Variants in NF1 observed in about 807,000 individuals in gnomAD.
NF1 encodes neurofibromin.
NF1 carries 122 observed loss-of-function variants against 325.7 expected under a neutral mutation model. The ratio of observed to expected loss-of-function variants is 0.37; its 90% CI spans 0.32 to 0.44. The LOEUF (loss-of-function observed/expected upper bound fraction) is 0.44. Ranked by LOEUF, NF1 falls within the 20% of genes least tolerant of loss-of-function variation. The pLI is 1.00. For missense variants in NF1, 2,140 were observed against 3,415.4 expected, an observed-to-expected ratio of 0.63 and a Z score of 9.31; for synonymous variants, 1,091 against 1,186.0, an observed-to-expected ratio of 0.92 and a Z score of 1.65.
intron 35 of NF1, among the ~76,000 whole-genome samples, chr17:31,263,120 T>TAGATAGATAGATAAGATAAGATAAGATA (rs149743607): frequency 5.2e-5 from 5 of 95,632 alleles, no homozygotes; most frequent in African/African-American, 1.4e-4. Flanking sequence ...GATAGATAGA[T>TAGATAGATAGATAAGATAAGATAAGATA]AGATAAGATA....
intron 5 of NF1, among the ~76,000 whole-genome samples, chr17:31,170,796 T>C (rs765855910): frequency 2.6e-5 from 4 of 152,190 alleles, no homozygotes; most frequent in Non-Finnish European, 5.9e-5. Context: ...CAGATATCAA[T>C]GAATATTCAT....
chr17:31,305,461 T>A (rs767214948), intron 36 of NF1: 1 of 1,614,198 alleles, frequency 6.2e-7, no homozygotes, highest in African/African-American at 1.3e-5. Flanking sequence ...CCCTGTTGTG[T>A]TTTGAGAATT....
chr17:31,317,791 G>C (rs2069063660), intron 36 of NF1: 1 of 152,532 alleles, frequency 6.6e-6, no homozygotes, highest in Non-Finnish European at 1.5e-5. Flanking sequence ...AAAATTAGCT[G>C]TGTTGGTTGA....
intron 8 of NF1, among the ~76,000 whole-genome samples, chr17:31,188,823 C>T (rs949965307): frequency 2.0e-5 from 3 of 152,178 alleles, no homozygotes; most frequent in Non-Finnish European, 4.4e-5. Flanking sequence ...TCCTCCTGTG[C>T]TGGTTGCTTC....
intron 1 of NF1, among the ~76,000 whole-genome samples, chr17:31,101,625 T>C (rs1385456701): frequency 2.0e-5 from 3 of 152,174 alleles, no homozygotes; most frequent in Non-Finnish European, 4.4e-5. Context: ...TCTTGGCCTT[T>C]ATTTCTGCCA....
At chr17:31,159,973 G>T (rs2065734043) in intron 3 of NF1, among the ~76,000 whole-genome samples, 1 of 152,056 alleles carries the variant, frequency 6.6e-6, no homozygotes, top group Admixed American at 6.5e-5. Flanking sequence ...CTGATAGTGT[G>T]GTTGAGAAGT....
chr17:31,328,985 A>G (rs189007072), intron 38 of NF1, among the ~76,000 whole-genome samples: 32 of 152,270 alleles, frequency 2.1e-4, no homozygotes, highest in Admixed American at 1.6e-3. Flanking sequence ...TCAAAATTGT[A>G]TAACTTAGAA....
intron 36 of NF1, chr17:31,321,811 G>C (rs1179746391): frequency 2.6e-5 from 4 of 152,080 alleles, no homozygotes; most frequent in Admixed American, 6.5e-5. Flanking sequence ...GAGCAGGGAG[G>C]GTTTTCCACT....
At chr17:31,294,040 C>T (rs1308403319) in intron 36 of NF1, among the ~76,000 whole-genome samples, 2 of 152,128 alleles carry the variant, frequency 1.3e-5, no homozygotes, top group African/African-American at 4.8e-5. Context: ...GCCCTTTTCC[C>T]TTTCCCTCTC....
At chr17:31,167,428 A>C (rs1363857918) in intron 4 of NF1, among the ~76,000 whole-genome samples, 1 of 152,230 alleles carries the variant, frequency 6.6e-6, no homozygotes, top group Non-Finnish European at 1.5e-5. Context: ...GATTGATTAC[A>C]TTCTTATCAA....
chr17:31,234,643 C>A (rs965556328), intron 27 of NF1, among the ~76,000 whole-genome samples: 1 of 130,110 alleles, frequency 7.7e-6, no homozygotes, highest in African/African-American at 3.1e-5. Flanking sequence ...TGCACTCCAG[C>A]CTGGGCGACA....
At chr17:31,219,242 T>C in intron 14 of NF1, 124 bp downstream of exon 14, 1 of 998,254 alleles carries the variant, frequency 1.0e-6, no homozygotes. Flanking sequence ...ATGGTATGTT[T>C]ATGTCTATAC....
chr17:31,120,328 C>T (rs1914320416), intron 1 of NF1, among the ~76,000 whole-genome samples: 1 of 152,084 alleles, frequency 6.6e-6, no homozygotes. Context: ...CCTTCACATC[C>T]CTTGTAAGGT....
At chr17:31,366,376 A>G (rs1461276534) in intron 57 of NF1, among the ~76,000 whole-genome samples, 1 of 151,856 alleles carries the variant, frequency 6.6e-6, no homozygotes, top group Admixed American at 6.6e-5. Flanking sequence ...TTCCATTTTT[A>G]TTTCTGGCCT....
intron 29 of NF1, among the ~76,000 whole-genome samples, chr17:31,243,180 C>CTGTGTGTG (rs1162406311): frequency 1.4e-5 from 1 of 73,260 alleles, no homozygotes; most frequent in Non-Finnish European, 2.4e-5. Context: ...GTCTCTCTCT[C>CTGTGTGTG]TGTCTGTGTG....
intron 1 of NF1, among the ~76,000 whole-genome samples, chr17:31,119,895 G>C (rs531462013): frequency 6.6e-6 from 1 of 152,240 alleles, no homozygotes; most frequent in Non-Finnish European, 1.5e-5. Flanking sequence ...GTTTTTGTCA[G>C]GTTTGTCAAA....
chr17:31,210,325 A>G (rs111626536), intron 12 of NF1, among the ~76,000 whole-genome samples: 2,641 of 152,284 alleles, frequency 0.017, 95 homozygotes, highest in African/African-American at 0.061. Context: ...GCTCATGCCT[A>G]TAATACCAGC....
intron 1 of NF1, among the ~76,000 whole-genome samples, chr17:31,129,392 C>T (rs564405112): frequency 4.0e-5 from 6 of 151,050 alleles, no homozygotes; most frequent in Admixed American, 1.3e-4. Flanking sequence ...AATCTTCAAG[C>T]GCTGAGATTC....
In NF1 at chr17:31,191,500, GC is replaced by G. The variant is rs527430858; in HGVS notation, c.888+8836del. On this transcript the variant is annotated intron_variant, in intron 8 of 57. Transcript: ENST00000358273. Reference sequence around the variant, plus strand: ...CATGTGTAAATCTCAAAAATATTATGCTAAGTGAAAGAAGCCAGGGTCAAGA... The same window carrying G: ...CATGTGTAAATCTCAAAAATATTATGTAAGTGAAAGAAGCCAGGGTCAAGA... Among the ~76,000 whole-genome samples the G allele has an allele frequency of 4.3e-4, 66 of 152,222 alleles. 1 individual carries two copies. The South Asian group carries it at 0.013, about 30-fold the overall frequency.
Sources: allele counts gnomAD v4.1 joint callset (sites outside exome capture counted in the v4.1 genomes callset), GRCh38; gene constraint gnomAD v4.1.1; transcripts MANE v1.5; gene names NCBI Gene and HGNC (gene_info 2026-07-23, HGNC 2026-07-21).